The following ZNF518A variants were observed in gnomAD, a reference collection of about 807,000 sequenced individuals.
ZNF518A encodes zinc finger protein 518.
In ZNF518A, 47 loss-of-function variants were observed where a neutral mutation model predicts 102.7. The observed-to-expected ratio is 0.46, with a 90% confidence interval of 0.36 to 0.58. ZNF518A has a LOEUF of 0.58. ZNF518A is among the 20% of genes least tolerant of loss of function. The pLI is 0.00. For synonymous variants in ZNF518A, 652 were observed against 594.6 expected (o/e 1.10, Z -1.40); for missense variants, 1,793 against 1,699.8 (o/e 1.05, Z -0.96).
chr10:96,169,405 T>C (rs587661494), intron 1 of ZNF518A, among the ~76,000 whole-genome samples: 1 of 152,342 alleles, frequency 6.6e-6, no homozygotes, highest in East Asian at 1.9e-4. Context: ...TGATCAATCT[T>C]AGAGTTCACA....
At chr10:96,141,520 C>T (rs2081925913) in intron 3 of ZNF518A, among the ~76,000 whole-genome samples, 1 of 152,088 alleles carries the variant, frequency 6.6e-6, no homozygotes, top group African/African-American at 2.4e-5. Flanking sequence ...GTCATAGTTT[C>T]AGGGAGTAAT....
In ZNF518A at chr10:96,159,959, A is replaced by T; in HGVS notation, c.3637A>T (p.Thr1213Ser). 6.2e-7 allele frequency: 1 copy of T among 1,613,526 alleles called. No individual in the cohort carries two copies. Among genetic ancestry groups the T allele is most frequent in the Non-Finnish European group, 8.5e-7 (1 of 1,179,666 alleles). ...ANEIVITSTA[T>S]CPESSEEPIC... ...TGAAATTGTGATAACTTCTACTGCA[A>T]CATGCCCAGAATCTTCTGAGGAACC... Residue 1213 changes from threonine (T) to serine (S), a missense_variant, in exon 6 of 6, where the codon ACA becomes TCA. Physicochemically the swap from Thr to Ser is moderately conservative, Grantham distance 58. Coordinates refer to ENST00000316045, the MANE Select transcript of ZNF518A (RefSeq NM_001330736.2).
chr10:96,163,864 T>C (rs2083089397), downstream of ZNF518A: 2 of 166,368 alleles, frequency 1.2e-5, no homozygotes, highest in Non-Finnish European at 2.9e-5. Context: ...AAAAACAAGC[T>C]TGATAAGTTT....
intron 3 of ZNF518A, among the ~76,000 whole-genome samples, chr10:96,143,480 T>C (rs2082033691): frequency 6.6e-6 from 1 of 152,196 alleles, no homozygotes; most frequent in South Asian, 2.1e-4. Flanking sequence ...TGCTTCTTTC[T>C]TACATGTTTT....
In ZNF518A at chr10:96,160,150, CTG is replaced by C; in HGVS notation, c.3830_3831del (p.Cys1277Ter). 6.2e-7 allele frequency: 1 copy of C among 1,609,686 alleles called. No individual in the cohort carries two copies. The highest frequency in any genetic ancestry group is 8.5e-7 in the Non-Finnish European group (1 of 1,178,336). ...ETAFVSRNRN[C>X]KRKCRDSYQE... ...CTGCCTTTGTATCTAGAAACAGAAA[CTG>C]TAAACGAAAGTGTAGGGATAGTTAC... On this transcript the variant is annotated frameshift_variant, in exon 6 of 6. Transcript: ENST00000316045. LOFTEE classifies it high-confidence loss of function.
downstream of ZNF518A, among the ~76,000 whole-genome samples, chr10:96,166,440 C>T (rs1455769866): frequency 6.6e-6 from 1 of 152,058 alleles, no homozygotes; most frequent in Non-Finnish European, 1.5e-5. Flanking sequence ...TCAACAGTTG[C>T]CAGGTCATTC....
chr10:96,199,675 G>A, intron 1 of ZNF518A: 1 of 378,174 alleles, frequency 2.6e-6, no homozygotes, highest in Non-Finnish European at 5.3e-6. Flanking sequence ...ATATCATAAG[G>A]ACGACAACTG....
intron 1 of ZNF518A, chr10:96,189,480 A>G (rs587748934): frequency 1.9e-4 from 119 of 631,738 alleles, no homozygotes; most frequent in African/African-American, 1.9e-3. Context: ...ACCTTTTTCT[A>G]TACTTGCTTG....
intron 1 of ZNF518A, among the ~76,000 whole-genome samples, chr10:96,178,863 C>A (rs1283239965): frequency 1.2e-4 from 18 of 151,932 alleles, no homozygotes; most frequent in African/African-American, 4.1e-4. Flanking sequence ...ATTAACAAAA[C>A]AAAAATAGAA....
chr10:96,182,556 G>T (rs2083246330), intron 1 of ZNF518A, among the ~76,000 whole-genome samples: 1 of 152,140 alleles, frequency 6.6e-6, no homozygotes, highest in Admixed American at 6.5e-5. Flanking sequence ...GTTGAATTTT[G>T]TTGCAGGCCT....
At chr10:96,186,239 C>T (rs1425010930) in intron 1 of ZNF518A, among the ~76,000 whole-genome samples, 7 of 152,176 alleles carry the variant, frequency 4.6e-5, no homozygotes, top group Admixed American at 2.6e-4. Flanking sequence ...TCCAACCAGT[C>T]GCAGTGAGAT....
chr10:96,153,227 C>T (rs1297055918), intron 3 of ZNF518A, among the ~76,000 whole-genome samples: 1 of 152,206 alleles, frequency 6.6e-6, no homozygotes, highest in Non-Finnish European at 1.5e-5. Flanking sequence ...ATCCTTTTCT[C>T]TCCTTTTTTG....
intron 1 of ZNF518A, among the ~76,000 whole-genome samples, chr10:96,183,553 G>A (rs1276035193): frequency 6.6e-6 from 1 of 152,138 alleles, no homozygotes; most frequent in Non-Finnish European, 1.5e-5. Flanking sequence ...CTTTATTTCT[G>A]CCTTCATTTT....
chr10:96,160,136 T>G lies in ZNF518A; in HGVS notation c.3814T>G (p.Ser1272Ala), dbSNP rs782662387. The change falls in exon 6 of 6, where the codon TCT becomes GCT. Residue 1272 changes from serine (S) to alanine (A), a missense_variant. This residue lies in a region of ZNF518A where 1,741 missense variants were observed against 1,622.6 expected (regional missense o/e 1.07). Transcript: ENST00000316045. The part of the protein sequence containing the change: ...GSKDSETAFV[S>A]RNRNCKRKCR... Reference sequence around the variant, plus strand: ...TAAAGACTCTGAAACTGCCTTTGTATCTAGAAACAGAAACTGTAAACGAAA... The same window carrying G: ...TAAAGACTCTGAAACTGCCTTTGTAGCTAGAAACAGAAACTGTAAACGAAA... 123 of 1,610,014 alleles carry G rather than the reference T, an allele frequency of 7.6e-5. No homozygotes were observed. In the South Asian group the frequency reaches 1.3e-3, roughly 16 times the overall value.
chr10:96,183,032 T>C (rs1040562607), intron 1 of ZNF518A, among the ~76,000 whole-genome samples: 7 of 152,252 alleles, frequency 4.6e-5, no homozygotes, highest in Non-Finnish European at 1.0e-4. Flanking sequence ...GATTCACTTC[T>C]TCCTGGTTTA....
intron 1 of ZNF518A, among the ~76,000 whole-genome samples, chr10:96,194,768 A>ATTTTTTTTTTTTTTTTTT (rs71034364): frequency 7.3e-5 from 8 of 110,276 alleles, no homozygotes; most frequent in South Asian, 6.3e-4. Context: ...AGAAATGCAA[A>ATTTTTTTTTTTTTTTTTT]TTTTTTTTTT....
At chr10:96,167,452 AAAAT>A (rs782320660), downstream of ZNF518A, among the ~76,000 whole-genome samples, 3 of 152,208 alleles carry the variant, frequency 2.0e-5, 1 homozygote, top group South Asian at 4.1e-4. Flanking sequence ...ACTCCACCTC[AAAAT>A]AAATAAGTAA....
rs2082649738 is a variant in ZNF518A at position 96,155,335 on chromosome 10, CTG to C, written c.-291_-290del. The C allele has an allele frequency of 6.6e-6, 1 of 152,168 alleles. No homozygotes were observed. The highest frequency in any genetic ancestry group is 1.5e-5 in the Non-Finnish European group (1 of 68,018). The allele number at this position is 152,168 out of a possible 1,614,324, so 9.4% of individuals were successfully genotyped here. On this transcript the variant is annotated 5_prime_UTR_variant, in exon 4 of 6. It removes the in-frame stop codon of an upstream open reading frame in the 5' UTR. Transcript: ENST00000316045. ...TCCCCCCATTTTACAGATGAAGGAA[CTG>C]AGACACAGAGGTTGAGACTTGTCTA...
In ZNF518A at chr10:96,157,429, A is replaced by C. The variant is rs782549438; in HGVS notation, c.1107A>C (p.Leu369Phe). ...EDQSHVVQEHLSEEKDERLHC... is the reference protein window; with the variant it reads ...EDQSHVVQEHFSEEKDERLHC... Reference sequence around the variant, plus strand: ...AGAGCCATGTTGTTCAAGAGCATTTAAGTGAAGAAAAGGATGAAAGACTAC... The same window carrying C: ...AGAGCCATGTTGTTCAAGAGCATTTCAGTGAAGAAAAGGATGAAAGACTAC... Residue 369 changes from leucine (L) to phenylalanine (F), a missense_variant, in exon 6 of 6, where the codon TTA becomes TTC. Around this residue, in one of 3 missense-constraint regions of ZNF518A, gnomAD observed 1,741 missense variants for 1,622.6 expected, o/e 1.07. Coordinates refer to ENST00000316045, the MANE Select transcript of ZNF518A (RefSeq NM_001330736.2). The C allele has an allele frequency of 6.2e-7, 1 of 1,613,470 alleles. No individual in the cohort carries two copies. The highest frequency in any genetic ancestry group is 1.1e-5 in the South Asian group (1 of 91,020).
Sources: allele counts gnomAD v4.1 joint callset (sites outside exome capture counted in the v4.1 genomes callset), GRCh38; gene constraint gnomAD v4.1.1; regional missense constraint gnomAD v4.1.1; transcripts MANE v1.5; gene names NCBI Gene and HGNC (gene_info 2026-07-23, HGNC 2026-07-21).